Variants in ACLY observed in about 807,000 individuals in gnomAD.
ACLY encodes the protein ATP-citrate synthase.
In ACLY, 41 loss-of-function variants were observed where a neutral mutation model predicts 133.0. That is an observed-to-expected ratio of 0.31 (90% CI 0.24 to 0.40). The LOEUF (loss-of-function observed/expected upper bound fraction) is 0.40, where lower values mean the gene tolerates loss of function less well. Ranked by LOEUF, ACLY falls within the 10% of genes least tolerant of loss-of-function variation. The pLI is 1.00. For missense variants in ACLY, 1,046 were observed against 1,453.8 expected (o/e 0.72, Z 4.56); for synonymous variants, 495 against 549.3 (o/e 0.90, Z 1.38).
intron 16 of ACLY, among the ~76,000 whole-genome samples, chr17:41,889,394 C>T (rs2049140271): frequency 6.6e-6 from 1 of 151,414 alleles, no homozygotes; most frequent in East Asian, 1.9e-4. Flanking sequence ...TGGCAGGCGC[C>T]TGTAGTCCCA....
At chr17:41,898,847 T>C in intron 11 of ACLY, 62 bp from the exon 12 acceptor site, 2 of 1,537,462 alleles carry the variant, frequency 1.3e-6, no homozygotes, top group South Asian at 2.4e-5. Context: ...CAAGTCCATG[T>C]GACCCTGCAA....
intron 7 of ACLY, 108 bp downstream of exon 7, chr17:41,907,334 C>T (rs992636825): frequency 5.4e-5 from 32 of 596,372 alleles, no homozygotes; most frequent in South Asian, 2.4e-4. Context: ...GTCTTCCTTT[C>T]CCTGCCAAAT....
intron 27 of ACLY, 103 bp downstream of exon 27, chr17:41,868,940 A>AT: frequency 2.9e-6 from 4 of 1,357,228 alleles, no homozygotes; most frequent in Non-Finnish European, 4.2e-6. Flanking sequence ...ACCTCTCCTT[A>AT]TTTTTCAAAT....
At chr17:41,867,979 ATCTT>A in intron 28 of ACLY, 75 bp from the exon 29 acceptor site, 1 of 1,088,084 alleles carries the variant, frequency 9.2e-7, no homozygotes, top group Non-Finnish European at 1.3e-6. Flanking sequence ...AGGAAGGGAA[ATCTT>A]TCTAACACAC....
chr17:41,919,122 GC>G, upstream of ACLY: 2 of 1,138,728 alleles, frequency 1.8e-6, no homozygotes, highest in Non-Finnish European at 2.2e-6. Flanking sequence ...ACGAGGGCGG[GC>G]CCCGGGGCCT....
chr17:41,871,693 T>A lies in ACLY; in HGVS notation c.2933A>T (p.Lys978Met). 6.2e-7 allele frequency: 1 copy of A among 1,614,076 alleles called. No individual in the cohort carries two copies. The highest frequency in any genetic ancestry group is 8.5e-7 in the Non-Finnish European group (1 of 1,180,016). The part of the protein sequence containing the change: ...KLIMGIGHRV[K>M]SINNPDMRVQ... ...TTTAGGAGAGTAACAACTCACCGAC[T>A]TCACTCGGTGACCAATGCCCATGAT... Residue 978 changes from lysine to methionine, a missense_variant, in exon 25 of 29, where the codon AAG (lysine) becomes ATG (methionine). This residue lies in a region of ACLY where 205 missense variants were observed against 373.3 expected (regional missense o/e 0.55). Transcript: ENST00000352035.
rs550551999 is a variant in ACLY at position 41,927,783 on chromosome 17, G to A, written c.-28+2575C>T. 2.0e-5 allele frequency among the ~76,000 whole-genome samples: 3 copies of A among 151,464 alleles called. No individual in the cohort carries two copies. In the East Asian group the frequency reaches 5.8e-4, roughly 29 times the overall value. On this transcript the variant is annotated intron_variant, in intron 1 of 3. Transcript: ENST00000592970. ...AGAGGTGGCAGTGAGCTGAGATCAC[G>A]CCACTGCACTCCAGCCTGGGTGACA...
chr17:41,885,964 G>C (rs1186971047), intron 18 of ACLY, 148 bp downstream of exon 18: 1 of 774,418 alleles, frequency 1.3e-6, no homozygotes, highest in East Asian at 2.5e-5. Context: ...CCTGAGACAA[G>C]AGCAGTGATG....
intron 18 of ACLY, among the ~76,000 whole-genome samples, chr17:41,885,099 C>T (rs561368387): frequency 1.1e-4 from 16 of 152,076 alleles, no homozygotes; most frequent in African/African-American, 3.4e-4. Flanking sequence ...CAGCTAGTCT[C>T]GAATTTCTGG....
intron 1 of ACLY, 93 bp downstream of exon 1, chr17:41,918,787 C>T: frequency 2.4e-6 from 3 of 1,255,000 alleles, no homozygotes; most frequent in Non-Finnish European, 3.1e-6. Context: ...ACCGAGCCCG[C>T]GTCGGGGAAG....
chr17:41,887,841 A>G (rs1484805431), intron 16 of ACLY, 138 bp from the exon 17 acceptor site: 16 of 691,802 alleles, frequency 2.3e-5, no homozygotes, highest in South Asian at 2.1e-4. Context: ...AACAATATGC[A>G]TATCAGCCGG....
At chr17:41,902,804 G>A (rs1462329273) in intron 10 of ACLY, among the ~76,000 whole-genome samples, 2 of 152,164 alleles carry the variant, frequency 1.3e-5, no homozygotes, top group African/African-American at 4.8e-5. Context: ...CCCTGTTTTG[G>A]GCAGGACTGA....
chr17:41,875,706 G>C (rs2144223509), intron 22 of ACLY, among the ~76,000 whole-genome samples: 1 of 152,354 alleles, frequency 6.6e-6, no homozygotes, highest in Middle Eastern at 3.4e-3. Flanking sequence ...GGCCTCCTGA[G>C]GTGCCGGGAT....
At chr17:41,878,071 C>T (rs1332129280) in intron 22 of ACLY, 32 bp downstream of exon 22, 9 of 1,450,458 alleles carry the variant, frequency 6.2e-6, no homozygotes, top group Non-Finnish European at 7.4e-6. Flanking sequence ...ATCTCCCTTG[C>T]TCACACTGTT....
chr17:41,919,086 A>G (rs550640209), upstream of ACLY: 3 of 1,214,050 alleles, frequency 2.5e-6, no homozygotes, highest in South Asian at 4.2e-5. Flanking sequence ...GCTCCTCCCA[A>G]TTCGCTGCTG....
At chr17:41,883,059 G>A (rs1367884241) in intron 20 of ACLY, 63 bp downstream of exon 20, 78 of 1,320,022 alleles carry the variant, frequency 5.9e-5, no homozygotes, top group Non-Finnish European at 7.9e-5. Context: ...TACCTGGTTC[G>A]CCTCAAATGC....
At chr17:41,895,428 G>C (rs2049338571) in intron 14 of ACLY, among the ~76,000 whole-genome samples, 1 of 152,178 alleles carries the variant, frequency 6.6e-6, no homozygotes, top group Admixed American at 6.5e-5. Context: ...AACCAAAGCT[G>C]AAGGGTGTAT....
At chr17:41,887,037 T>C (rs976669378) in intron 17 of ACLY, among the ~76,000 whole-genome samples, 1 of 148,510 alleles carries the variant, frequency 6.7e-6, no homozygotes, top group Non-Finnish European at 1.5e-5. Flanking sequence ...GGCAGGAGAA[T>C]TGCTTGAACC....
intron 20 of ACLY, among the ~76,000 whole-genome samples, chr17:41,879,669 AAAAAAAAAAAAAAAAAAAG>A (rs1298261021): frequency 2.0e-4 from 26 of 129,284 alleles, no homozygotes. Context: ...AAAAAAAAAA[AAAAAAAAAAAAAAAAAAAG>A]AAGTGCTAAA....
Sources: gnomAD v4.1 joint callset for allele counts (sites outside exome capture counted in the v4.1 genomes callset) on GRCh38, gnomAD v4.1.1 for gene constraint, gnomAD v4.1.1 regional missense constraint, MANE v1.5 for transcripts, NCBI Gene and HGNC (gene_info 2026-07-23, HGNC 2026-07-21) for gene names.